Variants in VEPH1 observed in about 807,000 individuals in gnomAD.
The protein encoded by VEPH1 is ventricular zone-expressed PH domain-containing protein homolog 1.
In VEPH1, 80 loss-of-function variants were observed where a neutral mutation model predicts 85.2. The ratio of observed to expected loss-of-function variants is 0.94; its 90% confidence interval spans 0.78 to 1.13. The LOEUF is 1.13. Ranked by LOEUF, VEPH1 falls within the 50% of genes most tolerant of loss-of-function variation. The pLI, the probability that VEPH1 is intolerant of heterozygous loss-of-function variation, is 0.00. For synonymous variants in VEPH1, 297 were observed against 348.0 expected (o/e 0.85, Z 1.63); for missense variants, 955 against 980.5 (o/e 0.97, Z 0.35).
chr3:157,394,205 T>C (rs1470420431), intron 6 of VEPH1, among the ~76,000 whole-genome samples: 1 of 152,252 alleles, frequency 6.6e-6, no homozygotes. Flanking sequence ...GTGAAAGATT[T>C]TCTTTGGATA....
chr3:157,459,863 G>A, intron 4 of VEPH1: 1 of 1,537,026 alleles, frequency 6.5e-7, no homozygotes, highest in Non-Finnish European at 8.7e-7. Flanking sequence ...AGTACACAGA[G>A]ATAAGATCTC....
chr3:157,344,807 G>T (rs1190727699), intron 9 of VEPH1, among the ~76,000 whole-genome samples: 1 of 152,128 alleles, frequency 6.6e-6, no homozygotes, highest in Non-Finnish European at 1.5e-5. Context: ...AAAACATCAT[G>T]GTACTGGTAC....
chr3:157,299,838 G>C (rs1445463939), intron 11 of VEPH1, among the ~76,000 whole-genome samples: 1 of 152,174 alleles, frequency 6.6e-6, no homozygotes, highest in African/African-American at 2.4e-5. Flanking sequence ...TTTGTTTGGA[G>C]GGGTCTTGCA....
At chr3:157,408,890 A>G (rs1159787950) in intron 6 of VEPH1, among the ~76,000 whole-genome samples, 2 of 152,112 alleles carry the variant, frequency 1.3e-5, no homozygotes. Context: ...GACAGGTAAG[A>G]GGTGAAGCTA....
chr3:157,288,930 A>C (rs1717131374), intron 11 of VEPH1, among the ~76,000 whole-genome samples: 1 of 152,226 alleles, frequency 6.6e-6, no homozygotes, highest in Non-Finnish European at 1.5e-5. Flanking sequence ...GCATTCCAAT[A>C]GGTGCTGTAT....
intron 9 of VEPH1, among the ~76,000 whole-genome samples, chr3:157,317,926 T>C (rs1440489071): frequency 2.6e-5 from 4 of 152,246 alleles, no homozygotes; most frequent in African/African-American, 7.2e-5. Flanking sequence ...ACATGTGTTA[T>C]GTGTTTGACT....
intron 6 of VEPH1, among the ~76,000 whole-genome samples, chr3:157,412,864 A>G (rs1020569201): frequency 2.6e-5 from 4 of 152,194 alleles, no homozygotes; most frequent in Admixed American, 1.3e-4. Context: ...GAAGAAATAT[A>G]ATCAAACAGC....
intron 9 of VEPH1, among the ~76,000 whole-genome samples, chr3:157,321,664 A>G (rs1424624806): frequency 6.6e-6 from 1 of 152,164 alleles, no homozygotes; most frequent in Non-Finnish European, 1.5e-5. Context: ...CAATAGAAAG[A>G]GCATTGGCTG....
intron 9 of VEPH1, among the ~76,000 whole-genome samples, chr3:157,323,590 G>A (rs1230957346): frequency 6.6e-6 from 1 of 152,172 alleles, no homozygotes; most frequent in Non-Finnish European, 1.5e-5. Flanking sequence ...CCTACCCAGA[G>A]CAAAAGTACT....
intron 12 of VEPH1, among the ~76,000 whole-genome samples, chr3:157,271,816 A>C (rs931766812): frequency 3.9e-5 from 6 of 152,174 alleles, no homozygotes; most frequent in Non-Finnish European, 5.9e-5. Context: ...AAATTCAACA[A>C]AGTTCAGATA....
chr3:157,308,084 G>T (rs1420192249), intron 11 of VEPH1, among the ~76,000 whole-genome samples: 1 of 151,608 alleles, frequency 6.6e-6, no homozygotes, highest in Non-Finnish European at 1.5e-5. Context: ...AAGTTCTAAA[G>T]GTTAGATTCT....
chr3:157,295,563 T>C (rs2108427510), intron 11 of VEPH1, among the ~76,000 whole-genome samples: 1 of 152,228 alleles, frequency 6.6e-6, no homozygotes, highest in East Asian at 1.9e-4. Context: ...TGCTGGAATT[T>C]TAAATGTCTC....
chr3:157,299,034 A>G (rs1718447884), intron 11 of VEPH1, among the ~76,000 whole-genome samples: 1 of 152,196 alleles, frequency 6.6e-6, no homozygotes, highest in South Asian at 2.1e-4. Flanking sequence ...AGTGTGCATG[A>G]CTACTCGCAT....
intron 9 of VEPH1, among the ~76,000 whole-genome samples, chr3:157,319,455 T>A (rs1293513008): frequency 6.6e-6 from 1 of 152,198 alleles, no homozygotes; most frequent in Admixed American, 6.5e-5. Flanking sequence ...ATACTTTTTT[T>A]AAGTTGGCAC....
At chr3:157,431,934 G>A (rs913354506) in intron 4 of VEPH1, among the ~76,000 whole-genome samples, 15 of 151,742 alleles carry the variant, frequency 9.9e-5, no homozygotes, top group South Asian at 6.2e-4. Context: ...TGCAACCTCC[G>A]CTTCATGGGT....
intron 9 of VEPH1, among the ~76,000 whole-genome samples, chr3:157,321,101 GA>G (rs1577334172): frequency 6.6e-6 from 1 of 152,038 alleles, no homozygotes; most frequent in East Asian, 1.9e-4. Context: ...ATAGCTAGTA[GA>G]AATATCAAAG....
intron 9 of VEPH1, among the ~76,000 whole-genome samples, chr3:157,349,343 T>A (rs933650107): frequency 1.3e-5 from 2 of 152,220 alleles, no homozygotes; most frequent in Admixed American, 6.5e-5. Flanking sequence ...CCGTTCATGA[T>A]AAAAACTCTC....
At position 157,272,421 on chromosome 3, in the gene VEPH1, TTC is replaced by T. The variant is rs1162419411; in HGVS notation, c.2129-6761_2129-6760del. On this transcript the variant is annotated intron_variant, in intron 12 of 13. Transcript: ENST00000362010. ...TTTCTTTCTTTCTTTCTTTCTTTCT[TTC>T]TTTCTTTCTTTCTTTCCTTCTCTCT... Among the ~76,000 whole-genome samples, 11 of 148,384 alleles carry T rather than the reference TTC, an allele frequency of 7.4e-5. 1 individual carries two copies. Among genetic ancestry groups the T allele is most frequent in the Non-Finnish European group, 1.5e-4 (10 of 67,268 alleles).
chr3:157,427,596 C>T (rs1268598907), intron 5 of VEPH1, among the ~76,000 whole-genome samples: 1 of 152,176 alleles, frequency 6.6e-6, no homozygotes, highest in Non-Finnish European at 1.5e-5. Flanking sequence ...GCTGGGACTA[C>T]AGGTGCCTCC....
Sources: gnomAD v4.1 joint callset for allele counts (sites outside exome capture counted in the v4.1 genomes callset) on GRCh38, gnomAD v4.1.1 for gene constraint, MANE v1.5 for transcripts, NCBI Gene and HGNC (gene_info 2026-07-23, HGNC 2026-07-21) for gene names.